The following FRMD4A variants were observed in gnomAD, a reference collection of about 807,000 sequenced individuals.
FRMD4A encodes FERM domain-containing protein 4A.
Under a neutral mutation model 129.1 loss-of-function variants are expected in FRMD4A, and 29 were observed. The ratio of observed to expected loss-of-function variants is 0.22; its 90% CI spans 0.17 to 0.31. The LOEUF (loss-of-function observed/expected upper bound fraction) is 0.31. FRMD4A is among the 10% of genes least tolerant of loss of function. The pLI is 1.00. For synonymous variants in FRMD4A, 634 were observed against 571.6 expected, an observed-to-expected ratio of 1.11 and a Z score of -1.56; for missense variants, 1,272 against 1,375.8, an observed-to-expected ratio of 0.92 and a Z score of 1.19.
intron 2 of FRMD4A, among the ~76,000 whole-genome samples, chr10:14,263,270 T>C (rs1409509292): frequency 1.3e-5 from 2 of 152,178 alleles, no homozygotes; most frequent in Non-Finnish European, 2.9e-5. Flanking sequence ...TCCTGCTTCG[T>C]AGAGCTCAGG....
chr10:14,218,955 C>CAAAAAAAAAAAAAAA (rs56064346), intron 2 of FRMD4A, among the ~76,000 whole-genome samples: 3 of 72,640 alleles, frequency 4.1e-5, no homozygotes, highest in African/African-American at 2.3e-4. Context: ...GACTTCATCT[C>CAAAAAAAAAAAAAAA]AAAAAAAAAA....
intron 8 of FRMD4A, among the ~76,000 whole-genome samples, chr10:13,748,354 T>G (rs1034097876): frequency 1.3e-5 from 2 of 152,222 alleles, no homozygotes; most frequent in African/African-American, 4.8e-5. Context: ...AAATAAATAC[T>G]GATGGAGTCT....
At chr10:13,653,874 A>G (rs1247795835) in intron 23 of FRMD4A, 2 of 161,084 alleles carry the variant, frequency 1.2e-5, no homozygotes, top group Non-Finnish European at 2.7e-5. Flanking sequence ...TTTCGGTTTC[A>G]TTAATTTTGT....
chr10:14,218,955 C>CAAAAAAAAAA (rs56064346), intron 2 of FRMD4A, among the ~76,000 whole-genome samples: 10 of 72,636 alleles, frequency 1.4e-4, no homozygotes, highest in African/African-American at 6.9e-4. Context: ...GACTTCATCT[C>CAAAAAAAAAA]AAAAAAAAAA....
intron 2 of FRMD4A, among the ~76,000 whole-genome samples, chr10:13,955,470 T>C (rs2095404989): frequency 6.6e-6 from 1 of 152,190 alleles, no homozygotes; most frequent in African/African-American, 2.4e-5. Flanking sequence ...TCCAAGTCAC[T>C]GAAGTATCTG....
At chr10:14,100,053 G>A (rs938770730) in intron 2 of FRMD4A, among the ~76,000 whole-genome samples, 12 of 152,146 alleles carry the variant, frequency 7.9e-5, no homozygotes, top group Admixed American at 5.9e-4. Flanking sequence ...TCACCCCCAC[G>A]TGCCAGACAG....
At chr10:14,224,200 A>G (rs1401334176) in intron 2 of FRMD4A, among the ~76,000 whole-genome samples, 4 of 152,244 alleles carry the variant, frequency 2.6e-5, no homozygotes, top group African/African-American at 9.6e-5. Context: ...CTCCATAAAA[A>G]TAGCCCGGTT....
At chr10:14,128,190 A>G (rs1056090879) in intron 2 of FRMD4A, among the ~76,000 whole-genome samples, 1 of 150,834 alleles carries the variant, frequency 6.6e-6, no homozygotes, top group Middle Eastern at 3.4e-3. Flanking sequence ...TGCAACATCC[A>G]CTTCCGGGCC....
chr10:14,010,952 G>A (rs2095680127), intron 2 of FRMD4A, among the ~76,000 whole-genome samples: 1 of 152,210 alleles, frequency 6.6e-6, no homozygotes, highest in Non-Finnish European at 1.5e-5. Flanking sequence ...GCCATGTGCT[G>A]TGAGGTTATC....
At position 13,737,857 on chromosome 10, in the gene FRMD4A, A is replaced by G. The variant is rs1350348980; in HGVS notation, c.746T>C (p.Val249Ala). Residue 249 changes from valine to alanine, a missense_variant, in exon 12 of 25, where the codon GTG becomes GCG. Physicochemically the swap from Val to Ala is moderately conservative, Grantham distance 64 (BLOSUM62 0). Coordinates refer to ENST00000357447, the MANE Select transcript of FRMD4A (RefSeq NM_018027.5). ...GACCAGCCTTACCTTTCTTGGCTTC[A>G]CTTTATCATGGTAGTCATACTGGAA... ...GIFQYDYHDK[V>A]KPRKIFQWRQ... 6.3e-7 allele frequency: 1 copy of G among 1,590,804 alleles called. No homozygotes were observed. Among genetic ancestry groups the G allele is most frequent in the Non-Finnish European group, 8.6e-7 (1 of 1,159,068 alleles).
chr10:14,246,007 G>A (rs978054137), intron 2 of FRMD4A, among the ~76,000 whole-genome samples: 1 of 152,140 alleles, frequency 6.6e-6, no homozygotes, highest in Admixed American at 6.6e-5. Context: ...TCCGTCATCT[G>A]CCTTTGCCAT....
chr10:14,124,239 G>T (rs543247552), intron 2 of FRMD4A, among the ~76,000 whole-genome samples: 1 of 152,288 alleles, frequency 6.6e-6, no homozygotes, highest in South Asian at 2.1e-4. Flanking sequence ...CCTTTTGTGA[G>T]CTTAGACATA....
chr10:13,730,859 CAAAAA>C (rs10639026), intron 12 of FRMD4A, among the ~76,000 whole-genome samples: 3,392 of 90,864 alleles, frequency 0.037, 173 homozygotes, highest in African/African-American at 0.13. Context: ...ACTAAAAATA[CAAAAA>C]AAAAAAAAAA....
intron 3 of FRMD4A, among the ~76,000 whole-genome samples, chr10:13,851,376 C>T (rs1248081968): frequency 6.6e-6 from 1 of 152,204 alleles, no homozygotes; most frequent in African/African-American, 2.4e-5. Flanking sequence ...TAGCAGGAAT[C>T]CCCAACCCCT....
intron 8 of FRMD4A, chr10:13,756,211 A>G (rs1298012065): frequency 3.3e-5 from 5 of 152,232 alleles, no homozygotes; most frequent in Non-Finnish European, 5.9e-5. Context: ...AAAAAATTCT[A>G]TAGAACAGAT....
chr10:13,917,730 A>C (rs2095026065), intron 2 of FRMD4A, among the ~76,000 whole-genome samples: 2 of 152,220 alleles, frequency 1.3e-5, no homozygotes, highest in Admixed American at 6.5e-5. Flanking sequence ...ACCCTTTCTC[A>C]TTCCCCAGTT....
chr10:14,327,264 C>G (rs1843314988), intron 2 of FRMD4A, among the ~76,000 whole-genome samples: 1 of 152,192 alleles, frequency 6.6e-6, no homozygotes, highest in African/African-American at 2.4e-5. Context: ...ACATATCTGC[C>G]CTAGCATAAA....
At chr10:14,152,616 C>T (rs1009372610) in intron 2 of FRMD4A, among the ~76,000 whole-genome samples, 4 of 152,178 alleles carry the variant, frequency 2.6e-5, no homozygotes, top group African/African-American at 7.2e-5. Context: ...CGCGGTGGCT[C>T]GCTTGAGGCC....
At position 14,070,524 on chromosome 10, in the gene FRMD4A, G is replaced by A. The variant is rs549680828; in HGVS notation, c.46-211612C>T. 6.5e-4 allele frequency among the ~76,000 whole-genome samples: 99 copies of A among 152,286 alleles called. 2 individuals carry two copies. The highest frequency in any genetic ancestry group is 3.4e-3 in the Middle Eastern group (1 of 294). On this transcript the variant is annotated intron_variant, in intron 2 of 24. Transcript: ENST00000357447. ...GGAAGGTAAGCATTGAAGAGATGGGGTATTAGAAGAGCTGGCAGAAGAAGG... is the reference window on the plus strand; with the variant it reads ...GGAAGGTAAGCATTGAAGAGATGGGATATTAGAAGAGCTGGCAGAAGAAGG...
Sources: allele counts gnomAD v4.1 joint callset (sites outside exome capture counted in the v4.1 genomes callset), GRCh38; gene constraint gnomAD v4.1.1; transcripts MANE v1.5; gene names NCBI Gene and HGNC (gene_info 2026-07-23, HGNC 2026-07-21).